TCF12: variants seen among roughly 807,000 people sequenced by gnomAD.
The protein encoded by TCF12 is DNA-binding protein HTF4.
In TCF12, 45 loss-of-function variants were observed where a neutral mutation model predicts 86.0. The ratio of observed to expected loss-of-function variants is 0.52; its 90% confidence interval spans 0.41 to 0.67. The LOEUF (loss-of-function observed/expected upper bound fraction) is 0.67. Ranked by LOEUF, TCF12 falls within the 30% of genes least tolerant of loss-of-function variation. The probability of loss-of-function intolerance (pLI) is 0.00; values close to 1 mark genes in which losing one functional copy is unlikely to be tolerated. For missense variants in TCF12, 881 were observed against 859.9 expected, an observed-to-expected ratio of 1.02 and a Z score of -0.31; for synonymous variants, 330 against 299.6, an observed-to-expected ratio of 1.10 and a Z score of -1.05.
chr15:57,154,186 T>G (rs1416689092), intron 5 of TCF12, among the ~76,000 whole-genome samples: 1 of 152,148 alleles, frequency 6.6e-6, no homozygotes, highest in African/African-American at 2.4e-5. Flanking sequence ...CTTTTTTCAT[T>G]CTCTGTTTTC....
chr15:57,190,154 A>AG (rs1284707064), intron 6 of TCF12, among the ~76,000 whole-genome samples: 3 of 152,158 alleles, frequency 2.0e-5, no homozygotes, highest in Admixed American at 6.5e-5. Context: ...AAACCTAGAG[A>AG]GGTGATGGTT....
At chr15:57,140,240 C>T (rs909089669) in intron 5 of TCF12, among the ~76,000 whole-genome samples, 11 of 152,158 alleles carry the variant, frequency 7.2e-5, no homozygotes, top group Admixed American at 2.0e-4. Context: ...AAAGGAAATT[C>T]TGACACATGC....
chr15:57,048,201 A>G (rs1274287366), intron 3 of TCF12, among the ~76,000 whole-genome samples: 2 of 152,112 alleles, frequency 1.3e-5, no homozygotes, highest in African/African-American at 4.8e-5. Flanking sequence ...GGGCTTACCA[A>G]TCATAAGCCA....
intron 8 of TCF12, among the ~76,000 whole-genome samples, chr15:57,217,529 G>A (rs1289698879): frequency 1.3e-5 from 2 of 152,076 alleles, no homozygotes; most frequent in Non-Finnish European, 2.9e-5. Context: ...AGGGAAATGG[G>A]CTTAACTGTC....
chr15:57,074,206 C>T (rs2951903), intron 4 of TCF12, among the ~76,000 whole-genome samples: 86,579 of 151,816 alleles, frequency 0.57, 24,912 homozygotes, highest in Admixed American at 0.61. Context: ...AGTTAATTCC[C>T]GAGCCTCAGA....
At chr15:57,246,900 T>C (rs1484745569) in intron 13 of TCF12, 1 of 478,218 alleles carries the variant, frequency 2.1e-6, no homozygotes, top group African/African-American at 2.0e-5. Context: ...AACCTACAGC[T>C]TTCCTGACAA....
chr15:57,095,013 A>G (rs1288306288), intron 5 of TCF12, among the ~76,000 whole-genome samples: 1 of 152,228 alleles, frequency 6.6e-6, no homozygotes, highest in African/African-American at 2.4e-5. Flanking sequence ...GTGTTTATAT[A>G]TTCATGTATA....
chr15:57,115,200 G>A (rs539876422), intron 5 of TCF12, among the ~76,000 whole-genome samples: 1 of 152,262 alleles, frequency 6.6e-6, no homozygotes, highest in East Asian at 1.9e-4. Context: ...AAGGTTCAAA[G>A]TTCTATTCAA....
At position 57,253,316 on chromosome 15, in the gene TCF12, C is replaced by T. The variant is rs771571672; in HGVS notation, c.1315C>T (p.Arg439Trp). The T allele has an allele frequency of 9.9e-6, 16 of 1,613,830 alleles. No homozygotes were observed. The highest frequency in any genetic ancestry group is 1.6e-4 in the Middle Eastern group (1 of 6,082). Residue 439 changes from arginine to tryptophan, a missense_variant, in exon 16 of 21, where the codon CGG becomes TGG. Around this residue, in one of 3 missense-constraint regions of TCF12, gnomAD observed 766 missense variants for 718.9 expected, o/e 1.07. Transcript: ENST00000333725. ...DRLDDAIHVL[R>W]NHAVGPSTSL... is the part of the protein sequence containing the mutation. The stretch of plus-strand genomic sequence containing the variant: ...ACTGGATGATGCAATCCATGTGCTG[C>T]GGAACCATGCTGTGGGACCTTCCAC...
intron 6 of TCF12, among the ~76,000 whole-genome samples, chr15:57,185,294 A>G (rs544913810): frequency 3.9e-5 from 6 of 152,338 alleles, no homozygotes; most frequent in East Asian, 1.9e-4. Context: ...ATGCTCCAAC[A>G]TTGTTGAATA....
At chr15:56,934,996 T>A (rs909706941) in intron 3 of TCF12, among the ~76,000 whole-genome samples, 1 of 152,200 alleles carries the variant, frequency 6.6e-6, no homozygotes, top group Non-Finnish European at 1.5e-5. Flanking sequence ...TTCTTGAAGA[T>A]CTATCTTAAA....
At chr15:57,219,397 C>A in intron 8 of TCF12, 3 of 1,338,932 alleles carry the variant, frequency 2.2e-6, no homozygotes, top group Non-Finnish European at 2.9e-6. Flanking sequence ...TGCATAAGTT[C>A]CTTTTGAGTA....
intron 5 of TCF12, among the ~76,000 whole-genome samples, chr15:57,141,592 G>A (rs1017431443): frequency 3.9e-5 from 6 of 151,946 alleles, no homozygotes; most frequent in Non-Finnish European, 5.9e-5. Context: ...CACGTGATCC[G>A]CCCACCTCAG....
chr15:56,972,331 T>G (rs1016650806), intron 3 of TCF12, among the ~76,000 whole-genome samples: 11 of 152,352 alleles, frequency 7.2e-5, no homozygotes, highest in African/African-American at 2.6e-4. Context: ...AATAAAATAA[T>G]ATGTATTATT....
At chr15:57,215,750 T>TAC (rs1489346052) in intron 8 of TCF12, among the ~76,000 whole-genome samples, 1 of 152,188 alleles carries the variant, frequency 6.6e-6, no homozygotes, top group Non-Finnish European at 1.5e-5. Context: ...AATTTTGTGT[T>TAC]ACCTTTAGAA....
intron 4 of TCF12, among the ~76,000 whole-genome samples, chr15:57,081,797 G>A (rs946306145): frequency 5.9e-5 from 9 of 152,248 alleles, no homozygotes; most frequent in African/African-American, 2.2e-4. Context: ...TCGAACTCCT[G>A]ACCTCAAGTG....
At chr15:57,060,986 T>G (rs2068419557) in intron 3 of TCF12, among the ~76,000 whole-genome samples, 1 of 152,240 alleles carries the variant, frequency 6.6e-6, no homozygotes, top group African/African-American at 2.4e-5. Context: ...CTGGATATGT[T>G]AACAATAAAA....
intron 5 of TCF12, among the ~76,000 whole-genome samples, chr15:57,137,332 A>AT (rs1205122851): frequency 1.3e-5 from 2 of 152,096 alleles, no homozygotes; most frequent in African/African-American, 4.8e-5. Context: ...AATAAAACAC[A>AT]TTTTTCCCCA....
intron 18 of TCF12, among the ~76,000 whole-genome samples, chr15:57,272,113 A>G (rs1197194795): frequency 6.6e-6 from 1 of 152,202 alleles, no homozygotes; most frequent in Non-Finnish European, 1.5e-5. Context: ...ATAATCTGCA[A>G]CTTGATTTTA....
Sources: gnomAD v4.1 joint callset for allele counts (sites outside exome capture counted in the v4.1 genomes callset) on GRCh38, gnomAD v4.1.1 for gene constraint, gnomAD v4.1.1 regional missense constraint, MANE v1.5 for transcripts, NCBI Gene and HGNC (gene_info 2026-07-23, HGNC 2026-07-21) for gene names.